Variants in ADAM23 observed in about 807,000 individuals in gnomAD.
ADAM23 encodes ADAM metallopeptidase domain 23, also known as disintegrin and metalloproteinase domain-containing protein 23.
ADAM23 carries 33 observed loss-of-function variants against 120.1 expected under a neutral mutation model. That is an observed-to-expected ratio of 0.27 (90% CI 0.21 to 0.37). ADAM23 has a LOEUF of 0.37. Among genes scored for constraint, ADAM23 ranks in the 10% least tolerant of loss-of-function variants. The probability of loss-of-function intolerance (pLI) is 1.00; values close to 1 mark genes in which losing one functional copy is unlikely to be tolerated. For synonymous variants in ADAM23, 367 were observed against 375.2 expected (o/e 0.98, Z 0.25); for missense variants, 862 against 1,058.2 (o/e 0.81, Z 2.57).
chr2:206,554,174 C>T (rs1697592156), intron 9 of ADAM23, among the ~76,000 whole-genome samples: 1 of 151,970 alleles, frequency 6.6e-6, no homozygotes, highest in African/African-American at 2.4e-5. Flanking sequence ...ACGTTGGCTG[C>T]CTGAAAAAAA....
chr2:206,458,670 G>T (rs1004530546), intron 2 of ADAM23, among the ~76,000 whole-genome samples: 1 of 152,192 alleles, frequency 6.6e-6, no homozygotes, highest in East Asian at 1.9e-4. Flanking sequence ...GGAGCTAATT[G>T]TCAGGATGGG....
chr2:206,562,141 T>C (rs530583619), intron 12 of ADAM23, 62 bp from the exon 13 acceptor site: 4 of 1,395,714 alleles, frequency 2.9e-6, no homozygotes, highest in Non-Finnish European at 4.0e-6. Flanking sequence ...AATTAAGAAA[T>C]AATAACTAGC....
chr2:206,601,491 G>A (rs1574560070), intron 24 of ADAM23, among the ~76,000 whole-genome samples: 1 of 152,270 alleles, frequency 6.6e-6, no homozygotes, highest in Non-Finnish European at 1.5e-5. Context: ...TGAATAGTGA[G>A]GCTAGGCACA....
At chr2:206,554,966 A>G (rs1312565136) in intron 9 of ADAM23, among the ~76,000 whole-genome samples, 1 of 152,032 alleles carries the variant, frequency 6.6e-6, no homozygotes. Context: ...TAGCTCTCTC[A>G]CCTCACTGGC....
At position 206,594,653 on chromosome 2, in the gene ADAM23, G is replaced by A. The variant is rs976428358; in HGVS notation, c.2079-84G>A. The A allele has an allele frequency of 1.3e-5, 19 of 1,502,272 alleles. No individual in the cohort carries two copies. The African/African-American group carries it at 2.2e-4, about 17-fold the overall frequency. The allele number at this position is 1,502,272 out of a possible 1,614,324, so 93.1% of individuals were successfully genotyped here. On this transcript the variant is annotated intron_variant, in intron 22 of 25. Coordinates refer to ENST00000264377, the MANE Select transcript of ADAM23 (RefSeq NM_003812.4). ...ATCCACATCCACTGACAGCCTCTTCGGTTTTGTGAAGAGCAAGCCTCATTC... is the reference window on the plus strand; with the variant it reads ...ATCCACATCCACTGACAGCCTCTTCAGTTTTGTGAAGAGCAAGCCTCATTC...
intron 2 of ADAM23, among the ~76,000 whole-genome samples, chr2:206,466,843 G>A (rs980364232): frequency 2.8e-4 from 43 of 152,172 alleles, no homozygotes; most frequent in African/African-American, 9.9e-4. Flanking sequence ...TATACAGGAG[G>A]CATGGCAGCA....
At chr2:206,535,212 C>G (rs1182768768) in intron 4 of ADAM23, among the ~76,000 whole-genome samples, 1 of 152,258 alleles carries the variant, frequency 6.6e-6, no homozygotes, top group South Asian at 2.1e-4. Flanking sequence ...TTTGATGTTT[C>G]AATTCTATGT....
rs1352296683 is a variant in ADAM23, at chr2:206,572,304, T to G, written c.1656+488T>G. ...AGTAACATATGAATGCACACTCATA[T>G]GTGTATATACATGGTTTGTGTGTGT... On this transcript the variant is annotated intron_variant, in intron 17 of 25. Transcript: ENST00000264377. Among the ~76,000 whole-genome samples, 3 of 152,186 alleles carry G rather than the reference T, an allele frequency of 2.0e-5. No homozygotes were observed. In the East Asian group the frequency reaches 5.8e-4, roughly 29 times the overall value.
intron 2 of ADAM23, among the ~76,000 whole-genome samples, chr2:206,468,301 G>A (rs1001023194): frequency 1.3e-5 from 2 of 152,030 alleles, no homozygotes; most frequent in Non-Finnish European, 2.9e-5. Context: ...TTAAACATAA[G>A]TTCTAGTTTC....
intron 4 of ADAM23, among the ~76,000 whole-genome samples, chr2:206,532,134 C>T (rs144086680): frequency 5.3e-5 from 8 of 152,194 alleles, no homozygotes; most frequent in Non-Finnish European, 7.4e-5. Flanking sequence ...AAATCAAGCG[C>T]GGGAACAAGC....
chr2:206,533,825 G>A lies in ADAM23; in HGVS notation c.573+2877G>A, dbSNP rs142322959. ...CCATGTGAAGCAAATATAGGAGCTC[G>A]AGAGGTCCAAAAGAAGCGTGTAATA... On this transcript the variant is annotated intron_variant, in intron 4 of 25. Transcript: ENST00000264377. Among the ~76,000 whole-genome samples, 74 of 152,246 alleles carry A rather than the reference G, an allele frequency of 4.9e-4. 1 individual carries two copies. The highest frequency in any genetic ancestry group is 1.5e-3 in the African/African-American group (64 of 41,548).
intron 3 of ADAM23, among the ~76,000 whole-genome samples, chr2:206,527,318 G>T (rs1159513382): frequency 6.6e-6 from 1 of 152,158 alleles, no homozygotes; most frequent in Admixed American, 6.5e-5. Context: ...GAAAGCAGAG[G>T]TGGAGGAAAG....
chr2:206,480,213 G>A (rs1236237980), intron 2 of ADAM23, among the ~76,000 whole-genome samples: 2 of 152,138 alleles, frequency 1.3e-5, no homozygotes, highest in African/African-American at 2.4e-5. Flanking sequence ...TTTGAAGGAT[G>A]GGGAGAGTTT....
intron 6 of ADAM23, among the ~76,000 whole-genome samples, chr2:206,547,001 C>T (rs970537039): frequency 2.0e-5 from 3 of 152,046 alleles, no homozygotes; most frequent in Non-Finnish European, 4.4e-5. Context: ...TGTGAGAGTG[C>T]TTTTGGCCTT....
chr2:206,509,183 A>T (rs1255233652), intron 3 of ADAM23, among the ~76,000 whole-genome samples: 1 of 152,244 alleles, frequency 6.6e-6, no homozygotes, highest in Non-Finnish European at 1.5e-5. Flanking sequence ...GTTTTTGGAA[A>T]AGTGACTGCT....
At chr2:206,574,277 T>C (rs1698068010) in intron 18 of ADAM23, among the ~76,000 whole-genome samples, 1 of 152,164 alleles carries the variant, frequency 6.6e-6, no homozygotes, top group African/African-American at 2.4e-5. Flanking sequence ...CTGTACATAT[T>C]TTAAAGCTTT....
In ADAM23 at chr2:206,462,162, G is replaced by A. The variant is rs115874774; in HGVS notation, c.432+16638G>A. 4.8e-3 allele frequency among the ~76,000 whole-genome samples: 736 copies of A among 152,176 alleles called. 6 individuals carry two copies. Among genetic ancestry groups the A allele is most frequent in the African/African-American group, 0.017 (692 of 41,498 alleles). ...CTAGAGCAAAGGAATGTTACTGGAG[G>A]TGAAAAACTGATGACCAATTTGCAT... On this transcript the variant is annotated intron_variant, in intron 2 of 25. Coordinates refer to ENST00000264377, the MANE Select transcript of ADAM23 (RefSeq NM_003812.4).
At chr2:206,569,378 TG>T (rs2105829280) in intron 15 of ADAM23, among the ~76,000 whole-genome samples, 1 of 152,334 alleles carries the variant, frequency 6.6e-6, no homozygotes, top group East Asian at 1.9e-4. Context: ...CGTAGTACAA[TG>T]GTTAATAAAC....
At chr2:206,592,186 A>G (rs1438986528) in intron 21 of ADAM23, among the ~76,000 whole-genome samples, 2 of 152,220 alleles carry the variant, frequency 1.3e-5, no homozygotes. Flanking sequence ...GGTAGGAAGT[A>G]AGGATAGGAG....
Sources: gnomAD v4.1 joint callset for allele counts (sites outside exome capture counted in the v4.1 genomes callset) on GRCh38, gnomAD v4.1.1 for gene constraint, MANE v1.5 for transcripts, NCBI Gene and HGNC (gene_info 2026-07-23, HGNC 2026-07-21) for gene names.